SHC4: variants seen among roughly 807,000 people sequenced by gnomAD.
SHC4 encodes the protein SHC adaptor protein 4, also known as SHC-transforming protein 4.
Under a neutral mutation model 69.4 loss-of-function variants are expected in SHC4, and 41 were observed. The observed-to-expected ratio is 0.59, with a 90% CI of 0.46 to 0.77. The LOEUF (loss-of-function observed/expected upper bound fraction) is 0.77, where lower values mean the gene tolerates loss of function less well. Ranked by LOEUF, SHC4 falls within the 30% of genes least tolerant of loss-of-function variation. The pLI is 0.00. For missense variants in SHC4, 777 were observed against 783.8 expected, an observed-to-expected ratio of 0.99 and a Z score of 0.10; for synonymous variants, 318 against 299.3, an observed-to-expected ratio of 1.06 and a Z score of -0.64.
At chr15:48,844,948 A>G (rs975496843) in intron 9 of SHC4, among the ~76,000 whole-genome samples, 2 of 152,196 alleles carry the variant, frequency 1.3e-5, no homozygotes, top group Non-Finnish European at 2.9e-5. Flanking sequence ...GTATGTCTTT[A>G]TTAGCAGCAT....
intron 5 of SHC4, among the ~76,000 whole-genome samples, chr15:48,869,019 T>C: frequency 6.6e-6 from 1 of 152,218 alleles, no homozygotes; most frequent in East Asian, 1.9e-4. Context: ...GGAAAGAGGC[T>C]GTGAGACCTC....
chr15:48,875,758 C>T (rs1244878830), intron 4 of SHC4, among the ~76,000 whole-genome samples: 4 of 152,206 alleles, frequency 2.6e-5, no homozygotes, highest in Admixed American at 2.6e-4. Flanking sequence ...GCTGCCATGA[C>T]TGGATGGCAT....
intron 1 of SHC4, among the ~76,000 whole-genome samples, chr15:48,943,437 T>G (rs183929172): frequency 3.9e-5 from 6 of 152,348 alleles, no homozygotes; most frequent in African/African-American, 1.4e-4. Context: ...AAGATTACCT[T>G]CTTTTTTAAG....
chr15:48,903,400 A>G (rs1305788349), intron 2 of SHC4, among the ~76,000 whole-genome samples: 1 of 152,186 alleles, frequency 6.6e-6, no homozygotes, highest in Non-Finnish European at 1.5e-5. Context: ...AAGGAATTAT[A>G]TCATTTTTTT....
intron 1 of SHC4, among the ~76,000 whole-genome samples, chr15:48,935,227 T>C (rs1055557726): frequency 6.6e-6 from 1 of 152,188 alleles, no homozygotes; most frequent in Non-Finnish European, 1.5e-5. Context: ...GAATGAGGCA[T>C]CAGCAGTGAC....
At position 48,857,790 on chromosome 15, in the gene SHC4, A is replaced by G. The variant is rs1374525476; in HGVS notation, c.972T>C (p.Asn324=). The G allele has an allele frequency of 3.8e-6, 6 of 1,568,654 alleles. No individual in the cohort carries two copies. Among genetic ancestry groups the G allele is most frequent in the Non-Finnish European group, 5.2e-6 (6 of 1,155,764 alleles). ...TACTTATGACGTCTTGGGCCATTCC[A>G]TTGTGGCATTCCAATATGTGACAGG... is the stretch of plus-strand genomic sequence containing the variant. ...QRACHILECH[N]GMAQDVISTI... The change falls in exon 7 of 12, where the codon AAT becomes AAC. Residue 324 remains asparagine (N), a synonymous_variant. Transcript: ENST00000332408.
At chr15:48,866,412 A>C (rs1567056660) in intron 6 of SHC4, among the ~76,000 whole-genome samples, 1 of 152,066 alleles carries the variant, frequency 6.6e-6, no homozygotes, top group Non-Finnish European at 1.5e-5. Flanking sequence ...TTTGGCAAAC[A>C]TTTGCTGAGG....
chr15:48,830,181 T>G (rs903513828), intron 11 of SHC4, among the ~76,000 whole-genome samples: 3 of 152,164 alleles, frequency 2.0e-5, no homozygotes, highest in South Asian at 4.1e-4. Flanking sequence ...TTTAATTCCT[T>G]TATCATTTTG....
chr15:48,837,697 T>C (rs1188287047), intron 10 of SHC4, among the ~76,000 whole-genome samples: 2 of 152,306 alleles, frequency 1.3e-5, no homozygotes, highest in Admixed American at 6.5e-5. Flanking sequence ...ATAGGACTTA[T>C]AGAAGATAGT....
intron 1 of SHC4, among the ~76,000 whole-genome samples, chr15:48,960,926 C>T (rs1723953024): frequency 6.6e-6 from 1 of 152,078 alleles, no homozygotes; most frequent in Non-Finnish European, 1.5e-5. Flanking sequence ...ATCACAACCC[C>T]AATAAACAAC....
At chr15:48,838,605 A>T (rs2413916) in intron 10 of SHC4, among the ~76,000 whole-genome samples, 3,517 of 152,328 alleles carry the variant, frequency 0.023, 72 homozygotes, top group Non-Finnish European at 0.036. Flanking sequence ...ATTATTTGCA[A>T]TGTAAAGGAA....
intron 6 of SHC4, among the ~76,000 whole-genome samples, chr15:48,862,788 T>G (rs949188021): frequency 2.0e-5 from 3 of 152,186 alleles, no homozygotes; most frequent in Non-Finnish European, 4.4e-5. Context: ...GATGTCTCCT[T>G]CAGAAGAACC....
chr15:48,827,806 C>T (rs1898717177), intron 11 of SHC4, among the ~76,000 whole-genome samples: 1 of 152,098 alleles, frequency 6.6e-6, no homozygotes, highest in Non-Finnish European at 1.5e-5. Context: ...TCCTATAAAA[C>T]TCTGGTTTTA....
At chr15:48,857,514 G>C (rs1899347063) in intron 7 of SHC4, among the ~76,000 whole-genome samples, 178 bp downstream of exon 7, 1 of 151,954 alleles carries the variant, frequency 6.6e-6, no homozygotes, top group Non-Finnish European at 1.5e-5. Flanking sequence ...AATATGAATG[G>C]AAGGAAAATA....
At chr15:48,834,178 C>G (rs1473478740) in intron 11 of SHC4, among the ~76,000 whole-genome samples, 2 of 152,214 alleles carry the variant, frequency 1.3e-5, no homozygotes, top group Non-Finnish European at 2.9e-5. Context: ...TACTGTCATT[C>G]ATCTTCTATT....
chr15:48,928,874 G>A (rs1490394781), intron 1 of SHC4, among the ~76,000 whole-genome samples: 1 of 152,120 alleles, frequency 6.6e-6, no homozygotes, highest in African/African-American at 2.4e-5. Flanking sequence ...TACTAGACAA[G>A]CAAATTAACA....
intron 1 of SHC4, among the ~76,000 whole-genome samples, chr15:48,927,932 AG>A (rs2141026308): frequency 6.6e-6 from 1 of 152,322 alleles, no homozygotes; most frequent in South Asian, 2.1e-4. Context: ...AACCACCATA[AG>A]ATTAAAGATC....
chr15:48,838,292 T>C (rs960585428), intron 10 of SHC4, among the ~76,000 whole-genome samples: 3 of 152,208 alleles, frequency 2.0e-5, no homozygotes, highest in Non-Finnish European at 4.4e-5. Flanking sequence ...AAAATTTTTG[T>C]TGCTCCGTGC....
rs375891301 is a variant in SHC4, at chr15:48,873,520, G to A, written c.841-1378C>T. Among the ~76,000 whole-genome samples, 37 of 152,298 alleles carry A rather than the reference G, an allele frequency of 2.4e-4. No homozygotes were observed. The East Asian group carries it at 6.6e-3, about 27-fold the overall frequency. ...AACCCTTTGGGAGGCCGTGGCGGGC[G>A]GATCATGAGGTCAGGAGATTGAGAC... On this transcript the variant is annotated intron_variant, in intron 4 of 11. Transcript: ENST00000332408.
Sources: gnomAD v4.1 joint callset for allele counts (sites outside exome capture counted in the v4.1 genomes callset) on GRCh38, gnomAD v4.1.1 for gene constraint, MANE v1.5 for transcripts, NCBI Gene and HGNC (gene_info 2026-07-23, HGNC 2026-07-21) for gene names.